Variants in CALD1 observed in about 807,000 individuals in gnomAD.
CALD1 encodes the protein caldesmon.
In CALD1, 33 loss-of-function variants were observed where a neutral mutation model predicts 99.9. That is an observed-to-expected ratio of 0.33 (90% CI 0.25 to 0.44). The LOEUF is 0.44. Ranked by LOEUF, CALD1 falls within the 20% of genes least tolerant of loss-of-function variation. CALD1 has a pLI of 1.00. For missense variants in CALD1, 861 were observed against 962.1 expected, an observed-to-expected ratio of 0.89 and a Z score of 1.39; for synonymous variants, 310 against 325.0, an observed-to-expected ratio of 0.95 and a Z score of 0.50.
chr7:134,907,552 T>C (rs1803483159), intron 3 of CALD1, among the ~76,000 whole-genome samples: 1 of 152,204 alleles, frequency 6.6e-6, no homozygotes, highest in South Asian at 2.1e-4. Context: ...TATATTCAAC[T>C]GCCTGGAAGC....
At position 134,942,869 on chromosome 7, in the gene CALD1, T is replaced by A. The variant is rs144631106; in HGVS notation, c.1532+1632T>A. Among the ~76,000 whole-genome samples the A allele has an allele frequency of 2.8e-3, 428 of 152,290 alleles. 7 individuals carry two copies. In the East Asian group the frequency reaches 0.047, roughly 17 times the overall value. On this transcript the variant is annotated intron_variant, in intron 7 of 14. Transcript: ENST00000361675. ...TGCCAACAAGCTTCAAAGCTCAAAT[T>A]AATAATTAACATGCCTATTGTGTAG...
At chr7:134,788,005 C>A (rs1314349992) in intron 1 of CALD1, among the ~76,000 whole-genome samples, 1 of 151,728 alleles carries the variant, frequency 6.6e-6, no homozygotes, top group African/African-American at 2.4e-5. Flanking sequence ...ACTCAGTCTC[C>A]TTCATCTCTA....
At chr7:134,827,700 G>T (rs1191490639) in intron 1 of CALD1, among the ~76,000 whole-genome samples, 2 of 152,214 alleles carry the variant, frequency 1.3e-5, no homozygotes, top group South Asian at 2.1e-4. Context: ...CTGAGAGTCA[G>T]AATAAACAGA....
At chr7:134,859,904 G>A (rs1357480671) in intron 2 of CALD1, among the ~76,000 whole-genome samples, 1 of 152,100 alleles carries the variant, frequency 6.6e-6, no homozygotes, top group Non-Finnish European at 1.5e-5. Flanking sequence ...GTGAAAGAAA[G>A]GGCATAAAGA....
intron 2 of CALD1, among the ~76,000 whole-genome samples, chr7:134,844,967 T>A (rs1194877896): frequency 1.3e-5 from 2 of 152,228 alleles, no homozygotes; most frequent in Admixed American, 1.3e-4. Context: ...TCCTGAAAGT[T>A]AGGATTTCAA....
At chr7:134,743,002 C>A (rs1796603735), upstream of CALD1, among the ~76,000 whole-genome samples, 1 of 152,152 alleles carries the variant, frequency 6.6e-6, no homozygotes, top group African/African-American at 2.4e-5. Flanking sequence ...AAAAGCCAGC[C>A]CTTTACAGCA....
At chr7:134,956,667 C>A (rs901639457) in intron 9 of CALD1, among the ~76,000 whole-genome samples, 2 of 152,168 alleles carry the variant, frequency 1.3e-5, no homozygotes, top group African/African-American at 4.8e-5. Context: ...CTCACATTAA[C>A]CAAGACTCAC....
In CALD1 at chr7:134,947,766, G is replaced by A. The variant is rs745627191; in HGVS notation, c.1791G>A (p.Glu597=). Residue 597 remains glutamate, a synonymous_variant, in exon 8 of 15, where the codon GAG becomes GAA. Transcript: ENST00000361675. The part of the protein sequence containing the change: ...KQEEADRKLR[E]EEEKRRLKEE... The stretch of plus-strand genomic sequence containing the variant: ...AGGAAGCCGATCGAAAACTCAGAGA[G>A]GAGGTAAGGCGGGCGCTAGCCCACT... 30 of 1,613,516 alleles carry A rather than the reference G, an allele frequency of 1.9e-5. 1 individual carries two copies. In the South Asian group the frequency reaches 2.9e-4, roughly 15 times the overall value.
At chr7:134,712,172 G>C in the CALD1 span, among the ~76,000 whole-genome samples, 22 of 152,126 alleles carry the variant, frequency 1.4e-4, no homozygotes, top group Admixed American at 5.2e-4. Flanking sequence ...ACAATGCTTA[G>C]AGTACTCGTT....
intron 1 of CALD1, among the ~76,000 whole-genome samples, chr7:134,757,745 G>A (rs755226989): frequency 1.5e-4 from 23 of 152,088 alleles, no homozygotes; most frequent in Non-Finnish European, 2.9e-4. Context: ...CGGGCATGGT[G>A]GTGCGCGCCT....
chr7:134,855,326 A>G (rs908441170), intron 2 of CALD1, among the ~76,000 whole-genome samples: 1 of 152,174 alleles, frequency 6.6e-6, no homozygotes, highest in Non-Finnish European at 1.5e-5. Context: ...GAGGGGTACG[A>G]AGGTGGATTC....
intron 2 of CALD1, among the ~76,000 whole-genome samples, chr7:134,860,111 G>T (rs1470827649): frequency 2.0e-5 from 3 of 152,132 alleles, no homozygotes. Context: ...AGTGCCTCAG[G>T]TTGATTGTAT....
chr7:134,793,239 C>T (rs1355167262), intron 1 of CALD1, among the ~76,000 whole-genome samples: 1 of 152,222 alleles, frequency 6.6e-6, no homozygotes, highest in African/African-American at 2.4e-5. Context: ...AAGAGGGTGG[C>T]CCTTTTCCGT....
chr7:134,797,399 G>A (rs540702630), intron 1 of CALD1, among the ~76,000 whole-genome samples: 7 of 152,294 alleles, frequency 4.6e-5, no homozygotes, highest in African/African-American at 1.7e-4. Context: ...CAGCATTTAA[G>A]TTTCTAACAC....
chr7:134,895,302 G>A (rs7456457), intron 3 of CALD1, among the ~76,000 whole-genome samples: 4 of 61,134 alleles, frequency 6.5e-5, no homozygotes, highest in South Asian at 9.0e-4. Context: ...ATATGTATGT[G>A]TGTGTGTGTG....
chr7:134,962,491 C>CATGGCAGTT (rs1196037948), intron 13 of CALD1: 1 of 190,870 alleles, frequency 5.2e-6, no homozygotes, highest in Non-Finnish European at 1.1e-5. Context: ...GAAAGAAGAA[C>CATGGCAGTT]ATGGCAGTTA....
intron 3 of CALD1, chr7:134,920,368 GT>G: frequency 3.9e-6 from 1 of 258,228 alleles, no homozygotes; most frequent in Non-Finnish European, 6.0e-6. Flanking sequence ...CCTACATGAG[GT>G]TTTTAACTTT....
intron 12 of CALD1, 159 bp downstream of exon 12, chr7:134,960,270 T>G: frequency 1.2e-6 from 1 of 858,272 alleles, no homozygotes. Context: ...AGAGAGAATG[T>G]GTTTGTGAGG....
chr7:134,929,874 C>A (rs1168536187), intron 4 of CALD1, among the ~76,000 whole-genome samples: 3 of 150,896 alleles, frequency 2.0e-5, no homozygotes, highest in Admixed American at 2.0e-4. Context: ...GGAATCTATA[C>A]TGTTTTCTGG....
Sources: allele counts gnomAD v4.1 joint callset (sites outside exome capture counted in the v4.1 genomes callset), GRCh38; gene constraint gnomAD v4.1.1; transcripts MANE v1.5; gene names NCBI Gene and HGNC (gene_info 2026-07-23, HGNC 2026-07-21).